Variants in H2BC5 observed in about 807,000 individuals in gnomAD.
The protein encoded by H2BC5 is histone H2B type 1-D.
In H2BC5, 9 loss-of-function variants were observed where a neutral mutation model predicts 5.7. That is an observed-to-expected ratio of 1.57 (90% CI 0.95 to 2.74). H2BC5 has a LOEUF of 2.74. Among genes scored for constraint, H2BC5 ranks in the 30% most tolerant of loss-of-function variants. H2BC5 has a pLI of 0.00. For missense variants in H2BC5, 175 were observed against 168.8 expected, an observed-to-expected ratio of 1.04 and a Z score of -0.20; for synonymous variants, 133 against 70.9, an observed-to-expected ratio of 1.88 and a Z score of -4.40.
chr6:26,163,117 A>AT (rs34285731), downstream of H2BC5, among the ~76,000 whole-genome samples: 54,563 of 148,634 alleles, frequency 0.37, 10,187 homozygotes, highest in African/African-American at 0.42. Flanking sequence ...TCATTCTATG[A>AT]TTTTTTTTTT....
At chr6:26,168,322 G>A (rs1764465463) in intron 1 of H2BC5, among the ~76,000 whole-genome samples, 1 of 152,000 alleles carries the variant, frequency 6.6e-6, no homozygotes, top group South Asian at 2.1e-4. Context: ...GCCAGGCATG[G>A]TGGCACATGC....
At position 26,158,304 on chromosome 6, in the gene H2BC5, G is replaced by T; in HGVS notation, c.135G>T (p.Val45=). 3.7e-6 allele frequency: 6 copies of T among 1,614,264 alleles called. No homozygotes were observed. The highest frequency in any genetic ancestry group is 2.2e-5 in the East Asian group (1 of 44,888). ...KESYSVYVYK[V]LKQVHPDTGI... ...GCTATTCAGTGTATGTGTACAAGGT[G>T]CTGAAGCAGGTCCATCCCGACACCG... is the stretch of plus-strand genomic sequence containing the variant. Residue 45 remains valine, a synonymous_variant, in exon 1 of 1, where the codon GTG becomes GTT. Coordinates refer to ENST00000377777, the MANE Select transcript of H2BC5 (RefSeq NM_021063.4).
In H2BC5 at chr6:26,165,776, A is replaced by C. The variant is rs1418834953; in HGVS notation, c.*10-5199A>C. On this transcript the variant is annotated intron_variant, in intron 1 of 1. Transcript: ENST00000289316. ...CTCATCCCCCCTCTGTAAGCCATCT[A>C]TCTCTGCCCACCCTCCAATTGACCC... Among the ~76,000 whole-genome samples the C allele has an allele frequency of 5.3e-5, 8 of 152,230 alleles. No homozygotes were observed. In the South Asian group the frequency reaches 1.0e-3, roughly 20 times the overall value.
intron 1 of H2BC5, among the ~76,000 whole-genome samples, chr6:26,166,252 T>C (rs1457806970): frequency 6.6e-6 from 1 of 152,220 alleles, no homozygotes; most frequent in Non-Finnish European, 1.5e-5. Context: ...TCCTTGCCTT[T>C]GACCTCCCAG....
intron 1 of H2BC5, chr6:26,164,083 A>G: frequency 4.3e-6 from 2 of 462,916 alleles, no homozygotes; most frequent in Middle Eastern, 7.1e-4. Flanking sequence ...CCCAACTGCA[A>G]AAATACCTCA....
intron 1 of H2BC5, among the ~76,000 whole-genome samples, chr6:26,167,028 T>G (rs1764442567): frequency 6.7e-6 from 1 of 149,112 alleles, no homozygotes; most frequent in Admixed American, 6.8e-5. Flanking sequence ...CACATTCTTT[T>G]CTTTCTTTTT....
chr6:26,158,150 T>C lies in H2BC5; in HGVS notation c.-20T>C, dbSNP rs747928779. ...ATTTTCTCAGGTGTTTGCAACAGTG[T>C]TCTAACTATTAACGCTACGATGCCT... On this transcript the variant is annotated 5_prime_UTR_variant, in exon 1 of 1. Coordinates refer to ENST00000377777, the MANE Select transcript of H2BC5 (RefSeq NM_021063.4). 4 of 1,607,034 alleles carry C rather than the reference T, an allele frequency of 2.5e-6. 1 individual carries two copies. In the South Asian group the frequency reaches 3.3e-5, roughly 13 times the overall value.
chr6:26,160,028 G>A (rs1417156760), downstream of H2BC5, among the ~76,000 whole-genome samples: 2 of 152,134 alleles, frequency 1.3e-5, no homozygotes, highest in Non-Finnish European at 1.5e-5. Flanking sequence ...CATCTCAAGA[G>A]TAGAAGGATG....
chr6:26,166,508 G>C (rs1764427036), intron 1 of H2BC5, among the ~76,000 whole-genome samples: 1 of 151,988 alleles, frequency 6.6e-6, no homozygotes, highest in Non-Finnish European at 1.5e-5. Flanking sequence ...TGCTTCTGGG[G>C]GCACAAAGAA....
At chr6:26,166,217 T>C (rs1373308743) in intron 1 of H2BC5, among the ~76,000 whole-genome samples, 6 of 152,196 alleles carry the variant, frequency 3.9e-5, no homozygotes, top group Non-Finnish European at 8.8e-5. Flanking sequence ...TACCTTGGCA[T>C]CTCATTGCTT....
intron 1 of H2BC5, among the ~76,000 whole-genome samples, chr6:26,168,894 A>G (rs773939724): frequency 6.6e-5 from 10 of 152,268 alleles, no homozygotes; most frequent in Non-Finnish European, 1.2e-4. Flanking sequence ...TCTGTAAAGC[A>G]ATTCTCTAGT....
chr6:26,167,563 T>C (rs1764449978), intron 1 of H2BC5, among the ~76,000 whole-genome samples: 1 of 152,166 alleles, frequency 6.6e-6, no homozygotes, highest in South Asian at 2.1e-4. Flanking sequence ...GTAAGCTGCT[T>C]AGAAGGCCCT....
chr6:26,159,598 A>G (rs574094727), downstream of H2BC5, among the ~76,000 whole-genome samples: 1 of 152,226 alleles, frequency 6.6e-6, no homozygotes, highest in African/African-American at 2.4e-5. Context: ...GCCAGAAGGA[A>G]AGGAACAAAT....
At chr6:26,170,535 A>G (rs1208687545) in intron 1 of H2BC5, among the ~76,000 whole-genome samples, 1 of 152,240 alleles carries the variant, frequency 6.6e-6, no homozygotes, top group Non-Finnish European at 1.5e-5. Flanking sequence ...GGATAATAAT[A>G]GTAGATTACT....
intron 1 of H2BC5, among the ~76,000 whole-genome samples, chr6:26,167,420 A>G (rs1049231896): frequency 2.0e-5 from 3 of 152,176 alleles, no homozygotes; most frequent in Admixed American, 1.3e-4. Flanking sequence ...CCAGTAGAGA[A>G]GGGCCATCAG....
At chr6:26,170,270 A>C (rs1392855478) in intron 1 of H2BC5, among the ~76,000 whole-genome samples, 1 of 152,184 alleles carries the variant, frequency 6.6e-6, no homozygotes, top group Non-Finnish European at 1.5e-5. Context: ...CTCCCCTTCC[A>C]ATCCTGAAAA....
chr6:26,161,846 G>T (rs1253233165), downstream of H2BC5, among the ~76,000 whole-genome samples: 1 of 152,074 alleles, frequency 6.6e-6, no homozygotes, highest in African/African-American at 2.4e-5. Flanking sequence ...CCTAATCACA[G>T]TACCAGAAGA....
In H2BC5 at chr6:26,158,234, C is replaced by A; in HGVS notation, c.65C>A (p.Ala22Asp). The A allele has an allele frequency of 3.7e-6, 6 of 1,614,232 alleles. No homozygotes were observed. The highest frequency in any genetic ancestry group is 5.1e-6 in the Non-Finnish European group (6 of 1,180,048). Residue 22 changes from alanine (A) to aspartate (D), a missense_variant, in exon 1 of 1, where the codon GCT (alanine) becomes GAT (aspartate). Coordinates refer to ENST00000377777, the MANE Select transcript of H2BC5 (RefSeq NM_021063.4). ...GGCTCCAAGAAGGCGGTGACTAAGGCTCAGAAGAAGGACGGGAAGAAGCGC... is the reference window on the plus strand; with the variant it reads ...GGCTCCAAGAAGGCGGTGACTAAGGATCAGAAGAAGGACGGGAAGAAGCGC... The part of the protein sequence containing the change: ...KKGSKKAVTK[A>D]QKKDGKKRKR...
At chr6:26,158,836 G>C (rs1010377733), downstream of H2BC5, among the ~76,000 whole-genome samples, 3 of 152,192 alleles carry the variant, frequency 2.0e-5, no homozygotes, top group African/African-American at 7.2e-5. Flanking sequence ...TAAATGTACA[G>C]CTCTTTGGTT....
Sources: allele counts gnomAD v4.1 joint callset (sites outside exome capture counted in the v4.1 genomes callset), GRCh38; gene constraint gnomAD v4.1.1; transcripts MANE v1.5; gene names NCBI Gene and HGNC (gene_info 2026-07-23, HGNC 2026-07-21).